Variants in TRIM33 observed in about 807,000 individuals in gnomAD.
The protein encoded by TRIM33 is E3 ubiquitin-protein ligase TRIM33.
A neutral mutation model predicts 125.4 loss-of-function variants in TRIM33; 20 were observed. The ratio of observed to expected loss-of-function variants is 0.16; its 90% confidence interval spans 0.11 to 0.23. TRIM33 has a LOEUF of 0.23. Among genes scored for constraint, TRIM33 ranks in the 10% least tolerant of loss-of-function variants. The pLI is 1.00. For synonymous variants in TRIM33, 564 were observed against 513.9 expected, an observed-to-expected ratio of 1.10 and a Z score of -1.32; for missense variants, 920 against 1,411.4, an observed-to-expected ratio of 0.65 and a Z score of 5.58.
chr1:114,484,654 G>A (rs908671064), intron 1 of TRIM33, among the ~76,000 whole-genome samples: 3 of 152,180 alleles, frequency 2.0e-5, no homozygotes, highest in Non-Finnish European at 4.4e-5. Context: ...CCTGAGCTCA[G>A]GAGTTCGAAA....
At chr1:114,473,008 C>T (rs1396160802) in intron 1 of TRIM33, among the ~76,000 whole-genome samples, 1 of 151,682 alleles carries the variant, frequency 6.6e-6, no homozygotes, top group African/African-American at 2.4e-5. Context: ...ATAAAATGTT[C>T]TTTTTTTGGA....
At chr1:114,507,854 T>C (rs895504803) in intron 1 of TRIM33, among the ~76,000 whole-genome samples, 1 of 152,182 alleles carries the variant, frequency 6.6e-6, no homozygotes, top group African/African-American at 2.4e-5. Flanking sequence ...CAGTGGCTCA[T>C]GCCTGTAATC....
chr1:114,463,674 T>A, intron 2 of TRIM33, 118 bp from the exon 3 acceptor site: 1 of 638,478 alleles, frequency 1.6e-6, no homozygotes, highest in African/African-American at 1.9e-5. Context: ...ATTATTTTGT[T>A]ATCCATTTAT....
At chr1:114,477,670 ACTGTGT>A (rs1651058694) in intron 1 of TRIM33, among the ~76,000 whole-genome samples, 1 of 152,234 alleles carries the variant, frequency 6.6e-6, no homozygotes, top group Admixed American at 6.5e-5. Flanking sequence ...TTAGAGCATC[ACTGTGT>A]AACAGAATTT....
intron 1 of TRIM33, among the ~76,000 whole-genome samples, chr1:114,499,596 A>G (rs1348791681): frequency 3.3e-5 from 5 of 152,224 alleles, no homozygotes; most frequent in African/African-American, 1.2e-4. Context: ...ATACTAAGAT[A>G]TAGTAAACTA....
chr1:114,472,471 G>A (rs1047484382), intron 1 of TRIM33, among the ~76,000 whole-genome samples: 23 of 152,214 alleles, frequency 1.5e-4, no homozygotes, highest in African/African-American at 3.4e-4. Context: ...TGTGGCTCAC[G>A]CCTGTAATCC....
intron 1 of TRIM33, among the ~76,000 whole-genome samples, chr1:114,465,832 G>T (rs1650258871): frequency 1.3e-5 from 2 of 151,968 alleles, no homozygotes; most frequent in Admixed American, 1.3e-4. Flanking sequence ...ACGAGGTCAG[G>T]AGATGGAGAC....
chr1:114,425,974 TA>T (rs768734712), intron 8 of TRIM33, among the ~76,000 whole-genome samples: 1 of 152,136 alleles, frequency 6.6e-6, no homozygotes, highest in African/African-American at 2.4e-5. Flanking sequence ...TACTTAGACA[TA>T]CAGAAAATTA....
At chr1:114,509,564 A>T (rs1165562210) in intron 1 of TRIM33, among the ~76,000 whole-genome samples, 2 of 152,138 alleles carry the variant, frequency 1.3e-5, no homozygotes, top group Non-Finnish European at 1.5e-5. Flanking sequence ...CAGCCCATCA[A>T]TCCAATCTAA....
chr1:114,476,130 T>TA (rs764691334), intron 1 of TRIM33, among the ~76,000 whole-genome samples: 3 of 152,208 alleles, frequency 2.0e-5, no homozygotes, highest in Non-Finnish European at 4.4e-5. Context: ...ATTTATTATA[T>TA]ATTCCTAGAA....
chr1:114,431,010 T>A (rs1647917387), intron 5 of TRIM33, 98 bp from the exon 6 acceptor site: 1 of 743,594 alleles, frequency 1.3e-6, no homozygotes, highest in Admixed American at 2.5e-5. Context: ...CTTAACCGAG[T>A]AATTAAAATG....
In TRIM33 at chr1:114,395,157, C is replaced by T. The variant is rs577698691; in HGVS notation, c.*2491G>A. The T allele has an allele frequency of 5.0e-6, 1 of 200,552 alleles. No homozygotes were observed. The highest frequency in any genetic ancestry group is 1.9e-4 in the South Asian group (1 of 5,264). 12.4% of individuals were successfully genotyped at this position (200,552 alleles called of 1,614,324 possible). On this transcript the variant is annotated 3_prime_UTR_variant, in exon 20 of 20. Transcript: ENST00000358465. ...GCTTAGAAACACAACGATCAGTGTG[C>T]AAGAAAAAAGCTTTAATAAAAAATC...
At chr1:114,399,644 C>A in intron 17 of TRIM33, 35 bp from the exon 18 acceptor site, 1 of 1,498,882 alleles carries the variant, frequency 6.7e-7, no homozygotes, top group Non-Finnish European at 9.1e-7. Context: ...TAAGAATTCT[C>A]CAAAAATGCC....
chr1:114,410,092 T>C, intron 12 of TRIM33, 92 bp downstream of exon 12: 1 of 1,449,958 alleles, frequency 6.9e-7, no homozygotes, highest in Non-Finnish European at 9.6e-7. Flanking sequence ...ACCTCCTACT[T>C]ATTCTGTTTT....
intron 4 of TRIM33, among the ~76,000 whole-genome samples, chr1:114,439,468 C>CAAAAA (rs59231995): frequency 1.5e-4 from 7 of 45,964 alleles, no homozygotes; most frequent in East Asian, 9.3e-4. Context: ...GACTCTGTAT[C>CAAAAA]AAAAAAAAAA....
chr1:114,418,668 T>C (rs1167272194), intron 11 of TRIM33, among the ~76,000 whole-genome samples: 1 of 152,174 alleles, frequency 6.6e-6, no homozygotes, highest in Admixed American at 6.5e-5. Flanking sequence ...TAATTACTCC[T>C]GCAGATAACA....
At chr1:114,497,013 T>G (rs1189818429) in intron 1 of TRIM33, among the ~76,000 whole-genome samples, 1 of 152,240 alleles carries the variant, frequency 6.6e-6, no homozygotes, top group East Asian at 1.9e-4. Flanking sequence ...TGTACTCTGC[T>G]GTAAAAGCAT....
intron 1 of TRIM33, among the ~76,000 whole-genome samples, chr1:114,507,023 C>T (rs1435135575): frequency 6.6e-6 from 1 of 152,208 alleles, no homozygotes; most frequent in Non-Finnish European, 1.5e-5. Context: ...ATTTATTGAA[C>T]AGTCTACAAT....
In TRIM33 at chr1:114,489,133, AT is replaced by A. The variant is rs1262722663; in HGVS notation, c.526+21417del. Among the ~76,000 whole-genome samples the A allele has an allele frequency of 2.0e-5, 3 of 152,234 alleles. No homozygotes were observed. The East Asian group carries it at 5.8e-4, about 29-fold the overall frequency. On this transcript the variant is annotated intron_variant, in intron 1 of 19. Transcript: ENST00000358465. ...ATTAAGTCCAGGAAAACACCCTCAC[AT>A]TTACCCAGTCAACTAATTTTAGACA...
Sources: allele counts gnomAD v4.1 joint callset (sites outside exome capture counted in the v4.1 genomes callset), GRCh38; gene constraint gnomAD v4.1.1; transcripts MANE v1.5; gene names NCBI Gene and HGNC (gene_info 2026-07-23, HGNC 2026-07-21).